The following NID2 variants were observed in gnomAD, a reference collection of about 807,000 sequenced individuals.
The protein encoded by NID2 is nidogen 2.
NID2 carries 83 observed loss-of-function variants against 145.4 expected under a neutral mutation model. That is an observed-to-expected ratio of 0.57 (90% CI 0.48 to 0.69). The LOEUF (loss-of-function observed/expected upper bound fraction) is 0.69. NID2 is among the 30% of genes least tolerant of loss of function. The pLI is 0.00. For missense variants in NID2, 1,807 were observed against 1,765.7 expected (o/e 1.02, Z -0.42); for synonymous variants, 739 against 701.3 (o/e 1.05, Z -0.85).
At chr14:52,006,174 A>G (rs759456926) in intron 20 of NID2, 1 of 403,124 alleles carries the variant, frequency 2.5e-6, no homozygotes, top group Non-Finnish European at 4.6e-6. Flanking sequence ...ATATGTCCAC[A>G]GTGTCAAAAG....
intron 12 of NID2, among the ~76,000 whole-genome samples, chr14:52,024,851 C>T (rs1219075093): frequency 6.6e-6 from 1 of 151,730 alleles, no homozygotes; most frequent in Non-Finnish European, 1.5e-5. Context: ...CTAACATGAC[C>T]CCAGAAGGTA....
rs1202618218 is a variant in NID2 at position 52,006,574 on chromosome 14, T to A, written c.3967A>T (p.Ser1323Cys). The stretch of plus-strand genomic sequence containing the variant: ...GTGTGGTAGAAGTGATCTGCATAGC[T>A]TACGATGCTGAAGGGGTACTTGAGG... ...NNLKYPFSIV[S>C]YADHFYHTDW... The change falls in exon 20 of 22, where the codon AGC (serine) becomes TGC (cysteine). Residue 1323 changes from serine to cysteine, a missense_variant. Ser to Cys is a moderately radical substitution (Grantham distance 112). Transcript: ENST00000216286. The A allele has an allele frequency of 6.2e-7, 1 of 1,613,796 alleles. No individual in the cohort carries two copies. Among genetic ancestry groups the A allele is most frequent in the South Asian group, 1.1e-5 (1 of 91,070 alleles).
At chr14:52,054,647 A>T (rs1892790388) in intron 3 of NID2, among the ~76,000 whole-genome samples, 1 of 152,204 alleles carries the variant, frequency 6.6e-6, no homozygotes, top group African/African-American at 2.4e-5. Context: ...GTTCCAGGTT[A>T]CAGTGGGCTT....
At position 52,030,518 on chromosome 14, in the gene NID2, A is replaced by AGAAAGAAAG. The variant is rs765186269; in HGVS notation, c.2258-829_2258-828insCTTTCTTTC. ...GAAAGAAAGAGAAAGAAAGAAAGAA[A>AGAAAGAAAG]AGAAAGAAAGAAAGAAAGAAAGAAA... On this transcript the variant is annotated intron_variant, in intron 9 of 21. Transcript: ENST00000216286. 1.9e-4 allele frequency among the ~76,000 whole-genome samples: 7 copies of AGAAAGAAAG among 35,954 alleles called. No homozygotes were observed. In the South Asian group the frequency reaches 5.3e-3, roughly 27 times the overall value. The allele number at this position is 35,954 out of a possible 152,430, so 23.6% of individuals were successfully genotyped here. A position where few individuals can be genotyped will look rare whatever the true frequency, so the allele number is the denominator to read the frequency against.
At position 52,042,774 on chromosome 14, in the gene NID2, T is replaced by A. The variant is rs373324660; in HGVS notation, c.1579+8A>T. ...GACACACAGGAGTTCCTGGCCCCAG[T>A]CAATTACCTTCAGGCAGACAGTGCT... On this transcript the variant is annotated splice_region_variant and intron_variant, in intron 6 of 21. Transcript: ENST00000216286. 1 of 1,613,816 alleles carries A rather than the reference T, an allele frequency of 6.2e-7. No individual in the cohort carries two copies. Among genetic ancestry groups the A allele is most frequent in the African/African-American group, 1.3e-5 (1 of 74,908 alleles).
intron 2 of NID2, among the ~76,000 whole-genome samples, chr14:52,062,237 G>T (rs1194421991): frequency 6.6e-6 from 1 of 152,190 alleles, no homozygotes; most frequent in African/African-American, 2.4e-5. Flanking sequence ...AGTTCTTTTA[G>T]TTCTCTAACC....
Sources: allele counts gnomAD v4.1 joint callset (sites outside exome capture counted in the v4.1 genomes callset), GRCh38; gene constraint gnomAD v4.1.1; transcripts MANE v1.5; gene names NCBI Gene and HGNC (gene_info 2026-07-23, HGNC 2026-07-21).